The following UBR3 variants were observed in gnomAD, a reference collection of about 807,000 sequenced individuals.
UBR3 encodes the protein E3 ubiquitin-protein ligase UBR3.
In UBR3, 85 loss-of-function variants were observed where a neutral mutation model predicts 243.2. The observed-to-expected ratio is 0.35, with a 90% CI of 0.29 to 0.42. The LOEUF is 0.42. UBR3 is among the 10% of genes least tolerant of loss of function. The probability of loss-of-function intolerance (pLI) is 1.00; values close to 1 mark genes in which losing one functional copy is unlikely to be tolerated. For missense variants in UBR3, 1,686 were observed against 2,300.8 expected, an observed-to-expected ratio of 0.73 and a Z score of 5.47; for synonymous variants, 748 against 799.8, an observed-to-expected ratio of 0.94 and a Z score of 1.09.
chr2:169,954,847 A>C (rs964109306), intron 23 of UBR3, among the ~76,000 whole-genome samples: 3 of 152,210 alleles, frequency 2.0e-5, no homozygotes, highest in African/African-American at 7.2e-5. Flanking sequence ...TGCTGGGATT[A>C]CAGGCGTGAG....
intron 1 of UBR3, among the ~76,000 whole-genome samples, chr2:169,870,760 T>C (rs2083409726): frequency 6.6e-6 from 1 of 151,164 alleles, no homozygotes. Flanking sequence ...TTCAAGCGAT[T>C]CTCCTGCCTC....
At chr2:169,986,828 T>C in intron 25 of UBR3, 34 bp downstream of exon 25, 1 of 1,609,878 alleles carries the variant, frequency 6.2e-7, no homozygotes, top group Non-Finnish European at 8.5e-7. Context: ...TGGGAACATT[T>C]TAGAGCTGAA....
At chr2:169,940,325 T>C (rs942173735) in intron 19 of UBR3, among the ~76,000 whole-genome samples, 2 of 152,312 alleles carry the variant, frequency 1.3e-5, no homozygotes, top group South Asian at 4.1e-4. Flanking sequence ...CTATATAGTT[T>C]AGGCTTTAAA....
intron 27 of UBR3, among the ~76,000 whole-genome samples, chr2:170,005,130 A>G (rs2089865604): frequency 6.6e-6 from 1 of 152,194 alleles, no homozygotes; most frequent in African/African-American, 2.4e-5. Flanking sequence ...AGGCTGAGGC[A>G]GGAGAATGGC....
intron 35 of UBR3, among the ~76,000 whole-genome samples, chr2:170,067,391 G>C (rs1428639352): frequency 6.6e-6 from 1 of 152,074 alleles, no homozygotes; most frequent in African/African-American, 2.4e-5. Context: ...CAGAATTGAA[G>C]GAAGAAACAG....
At chr2:169,888,172 T>G (rs1304076035) in intron 5 of UBR3, among the ~76,000 whole-genome samples, 1 of 136,186 alleles carries the variant, frequency 7.3e-6, no homozygotes, top group Non-Finnish European at 1.6e-5. Context: ...ATGGAGTCTC[T>G]TTGTCGCCCA....
intron 30 of UBR3, chr2:170,016,885 A>G: frequency 1.2e-6 from 1 of 844,856 alleles, no homozygotes; most frequent in Non-Finnish European, 1.5e-6. Context: ...TACTGTGCCA[A>G]TATAGAAAAA....
In UBR3 at chr2:169,972,458, C is replaced by CA. The variant is rs1415543012; in HGVS notation, c.3634+13939dup. 4.7e-4 allele frequency among the ~76,000 whole-genome samples: 72 copies of CA among 151,948 alleles called. No individual in the cohort carries two copies. The East Asian group carries it at 0.014, about 29-fold the overall frequency. On this transcript the variant is annotated intron_variant, in intron 24 of 38. Coordinates refer to ENST00000272793, the MANE Select transcript of UBR3 (RefSeq NM_172070.4). ...ATACCAAAGCCAGGCAGAGACGCAA[C>CA]AAAAAAAGAGAATTTTAGATCAATA...
intron 5 of UBR3, 116 bp from the exon 6 acceptor site, chr2:169,891,049 T>C (rs999056444): frequency 1.8e-6 from 1 of 564,192 alleles, no homozygotes; most frequent in Non-Finnish European, 3.0e-6. Flanking sequence ...TAGATGTTGA[T>C]TAGTAGTATG....
In UBR3 at chr2:169,827,601, G is replaced by T. The variant is rs2081782695; in HGVS notation, c.94G>T (p.Ala32Ser). 2 of 1,258,976 alleles carry T rather than the reference G, an allele frequency of 1.6e-6. No homozygotes were observed. The highest frequency in any genetic ancestry group is 3.1e-5 in the South Asian group (1 of 31,934). 78.0% of individuals were successfully genotyped at this position (1,258,976 alleles called of 1,614,324 possible). ...GCTGGCCCTAGACAAGGCGGCCACC[G>T]CCGCGCACCTCAAGGCGGCCCTCAG... The part of the protein sequence containing the change: ...PGLALDKAAT[A>S]AHLKAALSRP... The change falls in exon 1 of 39, where the codon GCC (alanine) becomes TCC (serine). Residue 32 changes from alanine (A) to serine (S), a missense_variant. By Grantham distance (99) the Ala-to-Ser change is moderately conservative (BLOSUM62 1). This residue lies in a region of UBR3 where 79 missense variants were observed against 73.2 expected (regional missense o/e 1.08). Transcript: ENST00000272793.
chr2:170,056,167 C>T (rs2091331696), intron 33 of UBR3, among the ~76,000 whole-genome samples: 1 of 151,784 alleles, frequency 6.6e-6, no homozygotes, highest in South Asian at 2.1e-4. Context: ...GCCACCATGC[C>T]CAGCTAATTT....
intron 23 of UBR3, among the ~76,000 whole-genome samples, chr2:169,955,518 G>T (rs1178330728): frequency 6.6e-6 from 1 of 151,938 alleles, no homozygotes; most frequent in Admixed American, 6.6e-5. Context: ...GCTTGGCCAG[G>T]TGTCGTGACT....
chr2:169,845,526 TCGTCG>T (rs1386161363), intron 1 of UBR3, among the ~76,000 whole-genome samples: 56 of 135,832 alleles, frequency 4.1e-4, no homozygotes, highest in African/African-American at 1.4e-3. Flanking sequence ...GTCGTCGTCG[TCGTCG>T]TCTTCTTCTT....
intron 1 of UBR3, among the ~76,000 whole-genome samples, chr2:169,869,487 G>A (rs574016867): frequency 6.6e-6 from 1 of 152,202 alleles, no homozygotes; most frequent in South Asian, 2.1e-4. Flanking sequence ...GCCTCCTAAA[G>A]TGTTGGGATT....
In UBR3 at chr2:169,852,879, CAAA is replaced by C. The variant is rs775443478; in HGVS notation, c.546-19355_546-19353del. Among the ~76,000 whole-genome samples, 3 of 83,036 alleles carry C rather than the reference CAAA, an allele frequency of 3.6e-5. 1 individual carries two copies. The highest frequency in any genetic ancestry group is 3.8e-4 in the East Asian group (1 of 2,658). 54.5% of individuals were successfully genotyped at this position (83,036 alleles called of 152,430 possible). ...AAAAAAAAAAAAAAAAAAAAAAAAA[CAAA>C]ACCAAACAAATTGAGTCCTTTAAGA... On this transcript the variant is annotated intron_variant, in intron 1 of 38. Transcript: ENST00000272793.
chr2:169,847,079 C>CTGTGTG (rs769261518), intron 1 of UBR3, among the ~76,000 whole-genome samples: 98 of 123,798 alleles, frequency 7.9e-4, no homozygotes, highest in African/African-American at 2.3e-3. Context: ...TTTTCTTAAA[C>CTGTGTG]TGTGTGTGTG....
At chr2:169,833,055 A>C (rs1440414253) in intron 1 of UBR3, among the ~76,000 whole-genome samples, 1 of 151,988 alleles carries the variant, frequency 6.6e-6, no homozygotes, top group Non-Finnish European at 1.5e-5. Context: ...CAGAATACCC[A>C]CCTCCCACCC....
At chr2:170,079,752 A>G (rs1574491280) in intron 36 of UBR3, 62 bp from the exon 37 acceptor site, 63 of 1,413,360 alleles carry the variant, frequency 4.5e-5, no homozygotes, top group Non-Finnish European at 5.8e-5. Flanking sequence ...ACATTTAAAA[A>G]ATATATTGTG....
intron 19 of UBR3, among the ~76,000 whole-genome samples, chr2:169,939,336 G>A (rs2086478629): frequency 6.7e-6 from 1 of 150,158 alleles, no homozygotes; most frequent in South Asian, 2.1e-4. Context: ...TCTGCTCACT[G>A]CAAGCTCCAT....
Sources: gnomAD v4.1 joint callset for allele counts (sites outside exome capture counted in the v4.1 genomes callset) on GRCh38, gnomAD v4.1.1 for gene constraint, gnomAD v4.1.1 regional missense constraint, MANE v1.5 for transcripts, NCBI Gene and HGNC (gene_info 2026-07-23, HGNC 2026-07-21) for gene names.